CDC14A: variants seen among roughly 807,000 people sequenced by gnomAD.
CDC14A encodes dual specificity protein phosphatase CDC14A.
A neutral mutation model predicts 74.4 loss-of-function variants in CDC14A; 53 were observed. The observed-to-expected ratio is 0.71, with a 90% confidence interval of 0.57 to 0.89. The LOEUF (loss-of-function observed/expected upper bound fraction) is 0.89, where lower values mean the gene tolerates loss of function less well. Among genes scored for constraint, CDC14A ranks in the 40% least tolerant of loss-of-function variants. The pLI, the probability that CDC14A is intolerant of heterozygous loss-of-function variation, is 0.00. For synonymous variants in CDC14A, 247 were observed against 258.4 expected (o/e 0.96, Z 0.43); for missense variants, 646 against 713.7 (o/e 0.91, Z 1.08).
At position 100,520,255 on chromosome 1, in the gene CDC14A, T is replaced by C. The variant is rs1023213022; in HGVS notation, c.*1975T>C. 1 of 152,608 alleles carries C rather than the reference T, an allele frequency of 6.6e-6. No individual in the cohort carries two copies. The highest frequency in any genetic ancestry group is 1.5e-5 in the Non-Finnish European group (1 of 67,978). 9.5% of individuals were successfully genotyped at this position (152,608 alleles called of 1,614,324 possible). The stretch of plus-strand genomic sequence containing the variant: ...TGTAGAAGAATACACTGCTAATAAA[T>C]AATAAAAGTTTTATTCAATTTACTT... On this transcript the variant is annotated 3_prime_UTR_variant, in exon 16 of 16. Transcript: ENST00000336454.
intron 5 of CDC14A, among the ~76,000 whole-genome samples, chr1:100,437,455 A>G (rs1664473023): frequency 4.6e-5 from 7 of 152,220 alleles, no homozygotes; most frequent in Admixed American, 4.6e-4. Context: ...ATTACCTGAC[A>G]CAGTAGGTGC....
intron 10 of CDC14A, among the ~76,000 whole-genome samples, chr1:100,474,432 T>C (rs527342872): frequency 2.0e-4 from 31 of 152,292 alleles, no homozygotes; most frequent in Non-Finnish European, 3.7e-4. Context: ...CTTGGTAGAA[T>C]TCTCCAGTGA....
intron 11 of CDC14A, among the ~76,000 whole-genome samples, chr1:100,489,797 G>T (rs1013026023): frequency 6.6e-6 from 1 of 152,074 alleles, no homozygotes; most frequent in Non-Finnish European, 1.5e-5. Context: ...ACTAGGTAGG[G>T]TTCTTCATTG....
intron 5 of CDC14A, among the ~76,000 whole-genome samples, chr1:100,439,671 C>T (rs1200377111): frequency 6.6e-6 from 1 of 152,146 alleles, no homozygotes; most frequent in Non-Finnish European, 1.5e-5. Flanking sequence ...TGTGCAGTAC[C>T]TGGTTGAATT....
chr1:100,475,419 T>C (rs962378056), intron 10 of CDC14A, among the ~76,000 whole-genome samples: 5 of 152,256 alleles, frequency 3.3e-5, no homozygotes, highest in African/African-American at 1.2e-4. Context: ...TCATCTCTTT[T>C]CATTCAGTCA....
intron 4 of CDC14A, among the ~76,000 whole-genome samples, chr1:100,422,342 T>G (rs1198348769): frequency 6.6e-6 from 1 of 152,198 alleles, no homozygotes; most frequent in Non-Finnish European, 1.5e-5. Context: ...GCATTTTTGC[T>G]TTTCAAAGGT....
chr1:100,473,851 C>G (rs768632995), intron 10 of CDC14A, among the ~76,000 whole-genome samples: 7 of 152,058 alleles, frequency 4.6e-5, no homozygotes, highest in African/African-American at 7.3e-5. Flanking sequence ...TCCTTTTCTT[C>G]CCTTGTTGGA....
At chr1:100,411,776 A>G (rs923994783) in intron 4 of CDC14A, among the ~76,000 whole-genome samples, 6 of 152,204 alleles carry the variant, frequency 3.9e-5, no homozygotes, top group Non-Finnish European at 5.9e-5. Flanking sequence ...AATGGACAAG[A>G]GAGAGAAAAT....
chr1:100,490,811 C>T (rs1433817519), intron 11 of CDC14A, among the ~76,000 whole-genome samples: 5 of 152,130 alleles, frequency 3.3e-5, no homozygotes, highest in African/African-American at 1.2e-4. Context: ...TTCTACTTCC[C>T]TAGAAATGGA....
intron 10 of CDC14A, among the ~76,000 whole-genome samples, chr1:100,479,964 T>A (rs72986237): frequency 0.054 from 8,196 of 152,190 alleles, 741 homozygotes; most frequent in African/African-American, 0.19. Flanking sequence ...AAGACTGACT[T>A]TTTAAATTAA....
Position 100,499,499 on chromosome 1 carries a change from A to G in CDC14A, c.1755+237A>G, listed in dbSNP as rs1045153166. Reference sequence around the variant, plus strand: ...CTTCCTTCTTTTTCTTCTTACCCCCAACTCCTTTTTAAGTAGTTTCTCTTA... The same window carrying G: ...CTTCCTTCTTTTTCTTCTTACCCCCGACTCCTTTTTAAGTAGTTTCTCTTA... On this transcript the variant is annotated intron_variant, in intron 15 of 15. Transcript: ENST00000336454. 8.9e-6 allele frequency: 12 copies of G among 1,342,928 alleles called. No homozygotes were observed. In the East Asian group the frequency reaches 3.1e-4, roughly 34 times the overall value. The allele number at this position is 1,342,928 out of a possible 1,614,324, so 83.2% of individuals were successfully genotyped here. A position where few individuals can be genotyped will look rare whatever the true frequency, so the allele number is the denominator to read the frequency against.
intron 4 of CDC14A, among the ~76,000 whole-genome samples, chr1:100,405,894 C>T (rs1367144038): frequency 6.6e-6 from 1 of 152,164 alleles, no homozygotes; most frequent in Non-Finnish European, 1.5e-5. Context: ...GGTATATACC[C>T]AGTAATGGGA....
At position 100,499,181 on chromosome 1, in the gene CDC14A, A is replaced by T; in HGVS notation, c.1674A>T (p.Thr558=). The T allele has an allele frequency of 6.2e-7, 1 of 1,614,152 alleles. No individual in the cohort carries two copies. Among genetic ancestry groups the T allele is most frequent in the Non-Finnish European group, 8.5e-7 (1 of 1,180,018 alleles). ...NSPPGPHSAK[T]EEHTTILRPS... ...CCCCAGGCCCCCACAGCGCCAAGAC[A>T]GAGGAGCACACCACCATCCTCCGAC... Residue 558 remains threonine, a synonymous_variant, in exon 15 of 16, where the codon ACA becomes ACT. Coordinates refer to ENST00000336454, the MANE Select transcript of CDC14A (RefSeq NM_003672.4).
intron 4 of CDC14A, 52 bp from the exon 5 acceptor site, chr1:100,424,170 T>G (rs367891412): frequency 3.3e-5 from 44 of 1,325,454 alleles, no homozygotes; most frequent in Non-Finnish European, 4.2e-5. Flanking sequence ...GGTGAGTAAT[T>G]AGTTTTGTGT....
intron 15 of CDC14A, chr1:100,504,929 C>T (rs956484386): frequency 5.2e-6 from 8 of 1,530,298 alleles, no homozygotes; most frequent in Middle Eastern, 1.7e-4. Flanking sequence ...TTCTGTGAAG[C>T]TCTCCCCAGT....
chr1:100,446,753 A>G (rs922520618), intron 7 of CDC14A, among the ~76,000 whole-genome samples: 6 of 152,174 alleles, frequency 3.9e-5, no homozygotes, highest in African/African-American at 1.2e-4. Context: ...GCTGGAGTGC[A>G]GTGGTGCAAC....
chr1:100,468,778 A>G (rs766586488), intron 10 of CDC14A, among the ~76,000 whole-genome samples: 4 of 152,210 alleles, frequency 2.6e-5, no homozygotes, highest in Non-Finnish European at 4.4e-5. Flanking sequence ...ATGTATCTCA[A>G]TGTACTCATT....
intron 4 of CDC14A, among the ~76,000 whole-genome samples, chr1:100,406,953 G>A (rs1660033791): frequency 6.6e-6 from 1 of 151,252 alleles, no homozygotes; most frequent in African/African-American, 2.4e-5. Context: ...AAAAGAAAAA[G>A]GCAGTCCTTT....
intron 4 of CDC14A, among the ~76,000 whole-genome samples, chr1:100,420,297 G>A (rs1662212860): frequency 6.6e-6 from 1 of 151,226 alleles, no homozygotes; most frequent in Admixed American, 6.6e-5. Flanking sequence ...CTCCCCTTGT[G>A]TATCAGAGAG....
Sources: gnomAD v4.1 joint callset for allele counts (sites outside exome capture counted in the v4.1 genomes callset) on GRCh38, gnomAD v4.1.1 for gene constraint, MANE v1.5 for transcripts, NCBI Gene and HGNC (gene_info 2026-07-23, HGNC 2026-07-21) for gene names.